The following PHLDB1 variants were observed in gnomAD, a reference collection of about 807,000 sequenced individuals.
PHLDB1 encodes the protein pleckstrin homology like domain family B member 1.
In PHLDB1, 65 loss-of-function variants were observed where a neutral mutation model predicts 139.3. The observed-to-expected ratio is 0.47, with a 90% CI of 0.38 to 0.57. The LOEUF (loss-of-function observed/expected upper bound fraction) is 0.57, where lower values mean the gene tolerates loss of function less well. Ranked by LOEUF, PHLDB1 falls within the 20% of genes least tolerant of loss-of-function variation. The pLI, the probability that PHLDB1 is intolerant of heterozygous loss-of-function variation, is 0.00. For missense variants in PHLDB1, 1,624 were observed against 1,839.7 expected, an observed-to-expected ratio of 0.88 and a Z score of 2.14; for synonymous variants, 679 against 734.5, an observed-to-expected ratio of 0.92 and a Z score of 1.22.
At chr11:118,649,153 A>G (rs745714637) in intron 18 of PHLDB1, among the ~76,000 whole-genome samples, 14 of 151,962 alleles carry the variant, frequency 9.2e-5, no homozygotes, top group Non-Finnish European at 1.3e-4. Context: ...GGTTTCACAC[A>G]CCTGTAATCC....
chr11:118,646,285 AAG>A (rs1947518318), intron 17 of PHLDB1: 2 of 159,066 alleles, frequency 1.3e-5, no homozygotes, highest in South Asian at 1.8e-4. Flanking sequence ...AAAAAAAAAA[AAG>A]GTTGTATTCC....
At chr11:118,647,735 A>G (rs1251805051) in intron 17 of PHLDB1, 195 bp from the exon 18 acceptor site, 2 of 557,712 alleles carry the variant, frequency 3.6e-6, no homozygotes, top group Non-Finnish European at 6.3e-6. Flanking sequence ...CAGGGTTTGA[A>G]GTCAGGACAG....
rs1948259353 is a variant in PHLDB1, at chr11:118,650,959, A to G, written c.3874+412A>G. On this transcript the variant is annotated intron_variant, in intron 20 of 22. Coordinates refer to ENST00000600882, the MANE Select transcript of PHLDB1 (RefSeq NM_001144758.3). This position sits in a 1 kb window ranked among gnomAD's most constrained non-coding sequence, Gnocchi z 4.7. The stretch of plus-strand genomic sequence containing the variant: ...AGTTGGGCTGGGAACTCCCCCTTGG[A>G]CAAATTCCATCAGAGATTCCAAGAC... 9.7e-6 allele frequency: 2 copies of G among 206,578 alleles called. No individual in the cohort carries two copies. The highest frequency in any genetic ancestry group is 2.5e-4 in the East Asian group (2 of 8,034). 12.8% of individuals were successfully genotyped at this position (206,578 alleles called of 1,614,324 possible).
chr11:118,612,055 C>G (rs1484299720), intron 1 of PHLDB1, among the ~76,000 whole-genome samples: 1 of 151,230 alleles, frequency 6.6e-6, no homozygotes, highest in African/African-American at 2.4e-5. Context: ...AAACATTCCC[C>G]CCACCCCACC....
intron 7 of PHLDB1, 130 bp from the exon 8 acceptor site, chr11:118,631,783 C>A: frequency 9.1e-7 from 1 of 1,098,412 alleles, no homozygotes; most frequent in Non-Finnish European, 1.3e-6. Flanking sequence ...TGCGGGGGGG[C>A]AGGGAATTAG....
chr11:118,630,083 G>GT (rs1944543598), intron 6 of PHLDB1: 4 of 1,282,684 alleles, frequency 3.1e-6, no homozygotes, highest in Non-Finnish European at 4.1e-6. Context: ...GGGAAGCTGG[G>GT]TAAGTGTATG....
upstream of PHLDB1, among the ~76,000 whole-genome samples, chr11:118,607,136 G>T (rs1939338769): frequency 6.6e-6 from 1 of 151,910 alleles, no homozygotes; most frequent in Non-Finnish European, 1.5e-5. Flanking sequence ...AGAGCATGTT[G>T]TAGGGGCTTC....
At chr11:118,655,792 A>G (rs2137163674) in intron 21 of PHLDB1, 68 bp from the exon 22 acceptor site, 2 of 1,513,426 alleles carry the variant, frequency 1.3e-6, no homozygotes, top group African/African-American at 2.7e-5. Flanking sequence ...TGCCCTCTAC[A>G]GAGGCTCCAA....
At chr11:118,655,788 C>G (rs1948965401) in intron 21 of PHLDB1, 72 bp from the exon 22 acceptor site, 1 of 1,507,846 alleles carries the variant, frequency 6.6e-7, no homozygotes, top group African/African-American at 1.4e-5. Context: ...AGCCTGCCCT[C>G]TACAGAGGCT....
At position 118,638,910 on chromosome 11, in the gene PHLDB1, A is replaced by G. The variant is rs1555117592; in HGVS notation, c.2555A>G (p.Asp852Gly). ...CTTTAGGAGCGCCTGGCCATCCTGG[A>G]CAGTCAGGCTGGGCAGATCCGGGCT... Reference protein sequence around the residue: ...AKRKERLAILDSQAGQIRAQA... With the variant: ...AKRKERLAILGSQAGQIRAQA... Residue 852 changes from aspartate (D) to glycine (G), a missense_variant, in exon 11 of 23, where the codon GAC (aspartate) becomes GGC (glycine). Transcript: ENST00000600882. 1 of 1,612,834 alleles carries G rather than the reference A, an allele frequency of 6.2e-7. No individual in the cohort carries two copies. Among genetic ancestry groups the G allele is most frequent in the Admixed American group, 1.7e-5 (1 of 59,914 alleles).
At chr11:118,639,035 A>G (rs2136463654) in intron 11 of PHLDB1, 34 bp downstream of exon 11, 5 of 1,585,152 alleles carry the variant, frequency 3.2e-6, no homozygotes, top group Non-Finnish European at 4.3e-6. Context: ...GGAGATTTGG[A>G]GTAGGGTAAG....
Position 118,641,857 on chromosome 11 carries a change from C to G in PHLDB1, c.2737-397C>G, listed in dbSNP as rs56994706. 2.1e-3 allele frequency: 2,454 copies of G among 1,185,060 alleles called. 29 individuals carry two copies. The African/African-American group carries it at 0.034, about 17-fold the overall frequency. The allele number at this position is 1,185,060 out of a possible 1,614,324, so 73.4% of individuals were successfully genotyped here. ...TCTGTGTGTGTTTTGCTCCTGCTCA[C>G]CTGGCCTCTTGGCTCTGGGCCAGCC... On this transcript the variant is annotated intron_variant, in intron 12 of 22. Coordinates refer to ENST00000600882, the MANE Select transcript of PHLDB1 (RefSeq NM_001144758.3).
chr11:118,645,236 G>A lies in PHLDB1; in HGVS notation c.3122-120G>A. On this transcript the variant is annotated intron_variant, in intron 15 of 22. Coordinates refer to ENST00000600882, the MANE Select transcript of PHLDB1 (RefSeq NM_001144758.3). The surrounding 1 kb of genome is among the most constrained non-coding windows in gnomAD (Gnocchi z 5.1). ...GGGCCTTAGGGAAGCTGCGGGGAGAGGGGGCTGCTCTGTGTTAACCTCTCC... is the reference window on the plus strand; with the variant it reads ...GGGCCTTAGGGAAGCTGCGGGGAGAAGGGGCTGCTCTGTGTTAACCTCTCC... The A allele has an allele frequency of 1.5e-6, 1 of 665,270 alleles. No individual in the cohort carries two copies. The highest frequency in any genetic ancestry group is 3.4e-5 in the Admixed American group (1 of 29,466). The allele number at this position is 665,270 out of a possible 1,614,324, so 41.2% of individuals were successfully genotyped here. A position where few individuals can be genotyped will look rare whatever the true frequency, so the allele number is the denominator to read the frequency against.
At position 118,629,864 on chromosome 11, in the gene PHLDB1, A is replaced by G. The variant is rs538855096; in HGVS notation, c.1827+1214A>G. 7.1e-6 allele frequency: 3 copies of G among 422,062 alleles called. No homozygotes were observed. In the East Asian group the frequency reaches 2.1e-4, roughly 30 times the overall value. 26.1% of individuals were successfully genotyped at this position (422,062 alleles called of 1,614,324 possible). ...AGTTTTCCCACCCCCATTCCCACAC[A>G]TAAGCACACATCTTACCACTAGTCC... On this transcript the variant is annotated intron_variant, in intron 6 of 22. Coordinates refer to ENST00000600882, the MANE Select transcript of PHLDB1 (RefSeq NM_001144758.3).
chr11:118,655,957 C>G (rs1185806474), intron 22 of PHLDB1, 65 bp downstream of exon 22: 10 of 1,170,218 alleles, frequency 8.5e-6, no homozygotes, highest in Non-Finnish European at 1.2e-5. Context: ...CATCCCTGAC[C>G]CTTGACCTCC....
chr11:118,608,812 C>G lies in PHLDB1; in HGVS notation c.-22+1113C>G, dbSNP rs1400823689. Among the ~76,000 whole-genome samples, 1 of 152,148 alleles carries G rather than the reference C, an allele frequency of 6.6e-6. No individual in the cohort carries two copies. The highest frequency in any genetic ancestry group is 1.9e-4 in the East Asian group (1 of 5,190). ...CCCACGCACTCCATGCCTTACGCCT[C>G]ACAGGAAAGCGCCCCGCGCTCACGC... On this transcript the variant is annotated intron_variant, in intron 1 of 22. Coordinates refer to ENST00000600882, the MANE Select transcript of PHLDB1 (RefSeq NM_001144758.3). The surrounding 1 kb of genome is among the most constrained non-coding windows in gnomAD (Gnocchi z 6.7).
chr11:118,635,537 G>T lies in PHLDB1; in HGVS notation c.2524G>T (p.Ala842Ser). 6.4e-7 allele frequency: 1 copy of T among 1,551,752 alleles called. No individual in the cohort carries two copies. The highest frequency in any genetic ancestry group is 8.7e-7 in the Non-Finnish European group (1 of 1,150,122). Residue 842 changes from alanine to serine, a missense_variant, in exon 10 of 23, where the codon GCC becomes TCC. Coordinates refer to ENST00000600882, the MANE Select transcript of PHLDB1 (RefSeq NM_001144758.3). ...CAAGGCTGAGCTGCTCCGCAGCATCGCCAAGAGGAAGGTGTGCCCCACCTC... is the reference window on the plus strand; with the variant it reads ...CAAGGCTGAGCTGCTCCGCAGCATCTCCAAGAGGAAGGTGTGCCCCACCTC... ...RSKAELLRSI[A>S]KRKERLAILD...
At chr11:118,642,085 C>A (rs782236929) in intron 12 of PHLDB1, 169 bp from the exon 13 acceptor site, 2 of 713,790 alleles carry the variant, frequency 2.8e-6, no homozygotes, top group Admixed American at 2.0e-5. Context: ...CTTCCTTCAC[C>A]TTCCTGTCCA....
rs372710419 is a variant in PHLDB1 at position 118,650,415 on chromosome 11, G to C, written c.3772-30G>C. The C allele has an allele frequency of 2.8e-5, 40 of 1,447,048 alleles. No homozygotes were observed. The African/African-American group carries it at 4.9e-4, about 18-fold the overall frequency. 89.6% of individuals were successfully genotyped at this position (1,447,048 alleles called of 1,614,324 possible). On this transcript the variant is annotated intron_variant, in intron 19 of 22. Coordinates refer to ENST00000600882, the MANE Select transcript of PHLDB1 (RefSeq NM_001144758.3). This position sits in a 1 kb window ranked among gnomAD's most constrained non-coding sequence, Gnocchi z 4.7. ...CTTAAGGCTTAAGGGCTGCATATTT[G>C]GGTCCTTCCTTACTCCTGCTTCCTA...
Sources: allele counts gnomAD v4.1 joint callset (sites outside exome capture counted in the v4.1 genomes callset), GRCh38; gene constraint gnomAD v4.1.1; non-coding constraint Gnocchi (gnomAD v3.1); transcripts MANE v1.5; gene names NCBI Gene and HGNC (gene_info 2026-07-23, HGNC 2026-07-21).